PLEKHN1: variants seen among roughly 807,000 people sequenced by gnomAD.
The protein encoded by PLEKHN1 is pleckstrin homology domain-containing family N member 1.
A neutral mutation model predicts 72.8 loss-of-function variants in PLEKHN1; 68 were observed. That is an observed-to-expected ratio of 0.93 (90% CI 0.77 to 1.14). PLEKHN1 has a LOEUF of 1.14. Among genes scored for constraint, PLEKHN1 ranks in the 50% most tolerant of loss-of-function variants. The pLI is 0.00. For missense variants in PLEKHN1, 1,015 were observed against 840.5 expected, an observed-to-expected ratio of 1.21 and a Z score of -2.57; for synonymous variants, 454 against 371.6, an observed-to-expected ratio of 1.22 and a Z score of -2.55.
At chr1:972,002 A>G in intron 8 of PLEKHN1, 73 bp from the exon 9 acceptor site, 1 of 1,410,954 alleles carries the variant, frequency 7.1e-7, no homozygotes, top group Non-Finnish European at 9.8e-7. Flanking sequence ...GGAGGGCAAG[A>G]GGGTGGGATG....
intron 2 of PLEKHN1, among the ~76,000 whole-genome samples, chr1:967,881 C>T (rs1472963362): frequency 3.3e-5 from 5 of 152,136 alleles, no homozygotes; most frequent in Non-Finnish European, 5.9e-5. Context: ...GGTGGGTGGC[C>T]GTAGTGGTCC....
At position 974,298 on chromosome 1, in the gene PLEKHN1, TGC is replaced by T; in HGVS notation, c.1654-16_1654-15del. 6.2e-7 allele frequency: 1 copy of T among 1,612,892 alleles called. No homozygotes were observed. Among genetic ancestry groups the T allele is most frequent in the South Asian group, 1.1e-5 (1 of 91,072 alleles). ...TGGGGCTGTGCCCGGCTCTCAGACT[TGC>T]GGTTTGGGGTTCCAGGTCTCCTCTG... On this transcript the variant is annotated splice_polypyrimidine_tract_variant and intron_variant, in intron 14 of 15. Transcript: ENST00000379410.
At chr1:974,214 G>A in intron 14 of PLEKHN1, 102 bp from the exon 15 acceptor site, 5 of 1,560,504 alleles carry the variant, frequency 3.2e-6, no homozygotes, top group Non-Finnish European at 4.4e-6. Context: ...GGACTGGGGA[G>A]GGAGAGCAGG....
rs762438702 is a variant in PLEKHN1 at position 975,833 on chromosome 1, C to T, written c.*1258C>T. 4 of 282,122 alleles carry T rather than the reference C, an allele frequency of 1.4e-5. No homozygotes were observed. The highest frequency in any genetic ancestry group is 2.7e-5 in the Non-Finnish European group (4 of 149,206). 17.5% of individuals were successfully genotyped at this position (282,122 alleles called of 1,614,324 possible). A position where few individuals can be genotyped will look rare whatever the true frequency, so the allele number is the denominator to read the frequency against. ...GCGGTTGCATTTGATTTCAGATAAACAACAACTTCTTAGTAAAATGACCTC... is the reference window on the plus strand; with the variant it reads ...GCGGTTGCATTTGATTTCAGATAAATAACAACTTCTTAGTAAAATGACCTC... On this transcript the variant is annotated 3_prime_UTR_variant, in exon 16 of 16. Transcript: ENST00000379410.
At position 970,409 on chromosome 1, in the gene PLEKHN1, T is replaced by A; in HGVS notation, c.316T>A (p.Phe106Ile). 6.2e-7 allele frequency: 1 copy of A among 1,613,368 alleles called. No homozygotes were observed. Residue 106 changes from phenylalanine to isoleucine, a missense_variant, in exon 3 of 16, where the codon TTC becomes ATC. By Grantham distance (21) the Phe-to-Ile change is conservative. Coordinates refer to ENST00000379410, the MANE Select transcript of PLEKHN1 (RefSeq NM_032129.3). This position sits in a 1 kb window ranked among gnomAD's most constrained non-coding sequence, Gnocchi z 4.2. ...GCATTACGCCAAGGTCCAGCTGCGG[T>A]TCCAGCACAGCCAGGTGGGGGCCGG... is the stretch of plus-strand genomic sequence containing the variant. Reference protein sequence around the residue: ...VVHYAKVQLRFQHSQDVSDCY... With the variant: ...VVHYAKVQLRIQHSQDVSDCY...
At position 971,179 on chromosome 1, in the gene PLEKHN1, A is replaced by T. The variant is rs1175601775; in HGVS notation, c.679A>T (p.Arg227Trp). ...EPGGSAVCAS[R>W]VKLQHLPAQE... ...CGGCGGCAGTGCTGTCTGTGCCTCG[A>T]GGGTCAAGCTGCAGCACCTGCCCGC... The change falls in exon 7 of 16, where the codon AGG (arginine) becomes TGG (tryptophan). Residue 227 changes from arginine (R) to tryptophan (W), a missense_variant. By Grantham distance (101) the Arg-to-Trp change is moderately radical (BLOSUM62 -3). Coordinates refer to ENST00000379410, the MANE Select transcript of PLEKHN1 (RefSeq NM_032129.3). 1 of 1,594,696 alleles carries T rather than the reference A, an allele frequency of 6.3e-7. No homozygotes were observed. The highest frequency in any genetic ancestry group is 2.3e-5 in the East Asian group (1 of 43,976).
rs766739472 is a variant in PLEKHN1, at chr1:970,614, G to A, written c.411+13G>A. Reference sequence around the variant, plus strand: ...ACTCACATTTCAGGTGAGGCGGTGGGCAATGGGGTGGGGCCATGGCCGCCC... The same window carrying A: ...ACTCACATTTCAGGTGAGGCGGTGGACAATGGGGTGGGGCCATGGCCGCCC... On this transcript the variant is annotated intron_variant, in intron 4 of 15. Transcript: ENST00000379410. The surrounding 1 kb of genome is among the most constrained non-coding windows in gnomAD (Gnocchi z 4.2). 4 of 1,611,134 alleles carry A rather than the reference G, an allele frequency of 2.5e-6. No homozygotes were observed. In the East Asian group the frequency reaches 6.7e-5, roughly 27 times the overall value.
At chr1:971,943 CAG>C in intron 8 of PLEKHN1, 130 bp from the exon 9 acceptor site, 1 of 862,196 alleles carries the variant, frequency 1.2e-6, no homozygotes, top group Admixed American at 2.6e-5. Flanking sequence ...TGGCCTCCCT[CAG>C]GGTGGTGGCC....
At chr1:973,355 G>C (rs1643438885) in intron 12 of PLEKHN1, 29 bp downstream of exon 12, 1 of 1,555,724 alleles carries the variant, frequency 6.4e-7, no homozygotes, top group Non-Finnish European at 8.7e-7. Flanking sequence ...CACAGCCCCT[G>C]GCCTGGTTCC....
At position 970,573 on chromosome 1, in the gene PLEKHN1, CCCA is replaced by C; in HGVS notation, c.385_387del (p.His129del). On this transcript the variant is annotated inframe_deletion, in exon 4 of 16. Coordinates refer to ENST00000379410, the MANE Select transcript of PLEKHN1 (RefSeq NM_032129.3). The surrounding 1 kb of genome is among the most constrained non-coding windows in gnomAD (Gnocchi z 4.2). ...TTCCCCGCCCACCTGTACTTCCAGGCCCACGGCTCGGAAGGACTCACATTTCAG... is the reference window on the plus strand; with the variant it reads ...TTCCCCGCCCACCTGTACTTCCAGGCCGGCTCGGAAGGACTCACATTTCAG... The C allele has an allele frequency of 6.2e-7, 1 of 1,612,962 alleles. No homozygotes were observed. Among genetic ancestry groups the C allele is most frequent in the Non-Finnish European group, 8.5e-7 (1 of 1,179,916 alleles).
Position 975,391 on chromosome 1 carries a change from A to C in PLEKHN1, c.*816A>C, listed in dbSNP as rs932107689. ...TTGGCTGTGGGTCCCCAGCTGCCCC[A>C]CAGGAGCCCCCGGGACAACCCCAGG... On this transcript the variant is annotated 3_prime_UTR_variant, in exon 16 of 16. Coordinates refer to ENST00000379410, the MANE Select transcript of PLEKHN1 (RefSeq NM_032129.3). 2 of 151,934 alleles carry C rather than the reference A, an allele frequency of 1.3e-5. No homozygotes were observed. Among genetic ancestry groups the C allele is most frequent in the African/African-American group, 4.8e-5 (2 of 41,270 alleles). 9.4% of individuals were successfully genotyped at this position (151,934 alleles called of 1,614,324 possible). A position where few individuals can be genotyped will look rare whatever the true frequency, so the allele number is the denominator to read the frequency against.
rs1197308626 is a variant in PLEKHN1, at chr1:970,964, C to T, written c.570C>T (p.Ala190=). The T allele has an allele frequency of 1.2e-6, 2 of 1,607,750 alleles. No individual in the cohort carries two copies. Among genetic ancestry groups the T allele is most frequent in the Non-Finnish European group, 1.7e-6 (2 of 1,177,796 alleles). ...TTTACCACCTGGAGAAGCAGACGGC[C>T]CTCCTCGGGGGGCCGCGGCGCTGCC... The part of the protein sequence containing the change: ...RWLYHLEKQT[A]LLGGPRRCHS... The change falls in exon 6 of 16, where the codon GCC becomes GCT. Residue 190 remains alanine, a synonymous_variant. Transcript: ENST00000379410. The surrounding 1 kb of genome is among the most constrained non-coding windows in gnomAD (Gnocchi z 4.2).
At chr1:971,534 C>T in intron 8 of PLEKHN1, 130 bp downstream of exon 8, 5 of 886,592 alleles carry the variant, frequency 5.6e-6, no homozygotes, top group Non-Finnish European at 8.9e-6. Context: ...CCCACCCAGC[C>T]CGCGGTCCTG....
Position 966,506 on chromosome 1 carries a change from A to G in PLEKHN1, c.-26A>G, listed in dbSNP as rs773285679. 3.2e-6 allele frequency: 5 copies of G among 1,579,768 alleles called. No homozygotes were observed. The Admixed American group carries it at 8.7e-5, about 28-fold the overall frequency. On this transcript the variant is annotated 5_prime_UTR_variant, in exon 1 of 16. Transcript: ENST00000379410. ...CAGGAGGCTGTGGACAGGGACCCAG[A>G]CTTGCCGACCTGTACGACTCTGGCC...
chr1:972,013 A>G, intron 8 of PLEKHN1, 62 bp from the exon 9 acceptor site: 2 of 1,488,084 alleles, frequency 1.3e-6, no homozygotes, highest in Non-Finnish European at 1.8e-6. Context: ...GGGTGGGATG[A>G]GGCCAGGCGG....
intron 2 of PLEKHN1, 64 bp downstream of exon 2, chr1:966,867 T>A (rs1289021364): frequency 6.7e-7 from 1 of 1,486,374 alleles, no homozygotes; most frequent in East Asian, 2.5e-5. Flanking sequence ...GTGTGTGCCG[T>A]GTGTCCGTGC....
rs547187116 is a variant in PLEKHN1 at position 971,116 on chromosome 1, C to T, written c.616C>T (p.Arg206Cys). Reference sequence around the variant, plus strand: ...CGAACTCCCCTGGACTTTGCAGCGCCGTCTAACCCGGCTGCGGACGGCGTC... The same window carrying T: ...CGAACTCCCCTGGACTTTGCAGCGCTGTCTAACCCGGCTGCGGACGGCGTC... ...RRCHSAPPQR[R>C]LTRLRTASGH... is the part of the protein sequence containing the mutation. The change falls in exon 7 of 16, where the codon CGT becomes TGT. Residue 206 changes from arginine to cysteine, a missense_variant. By Grantham distance (180) the Arg-to-Cys change is radical (BLOSUM62 -3). Transcript: ENST00000379410. 9.4e-6 allele frequency: 15 copies of T among 1,596,118 alleles called. No individual in the cohort carries two copies. Among genetic ancestry groups the T allele is most frequent in the South Asian group, 1.1e-5 (1 of 88,412 alleles).
At position 974,798 on chromosome 1, in the gene PLEKHN1, C is replaced by A; in HGVS notation, c.*223C>A. 1 of 623,560 alleles carries A rather than the reference C, an allele frequency of 1.6e-6. No homozygotes were observed. Among genetic ancestry groups the A allele is most frequent in the Non-Finnish European group, 2.7e-6 (1 of 369,242 alleles). 38.6% of individuals were successfully genotyped at this position (623,560 alleles called of 1,614,324 possible). ...CCCATCCAAAGGATGCCCTGGCCAGCGAGGCTGGGTCACAGGTCAGGGAGG... is the reference window on the plus strand; with the variant it reads ...CCCATCCAAAGGATGCCCTGGCCAGAGAGGCTGGGTCACAGGTCAGGGAGG... On this transcript the variant is annotated 3_prime_UTR_variant, in exon 16 of 16. Transcript: ENST00000379410.
intron 11 of PLEKHN1, 40 bp downstream of exon 11, chr1:973,050 G>A (rs1431671276): frequency 1.3e-6 from 2 of 1,575,116 alleles, no homozygotes; most frequent in Non-Finnish European, 1.7e-6. Flanking sequence ...TGGGGCAGAA[G>A]GCTGTCGGGT....
Sources: allele counts gnomAD v4.1 joint callset (sites outside exome capture counted in the v4.1 genomes callset), GRCh38; gene constraint gnomAD v4.1.1; non-coding constraint Gnocchi (gnomAD v3.1); transcripts MANE v1.5; gene names NCBI Gene and HGNC (gene_info 2026-07-23, HGNC 2026-07-21).